ADAMTS3: variants seen among roughly 807,000 people sequenced by gnomAD.
ADAMTS3 encodes ADAM metallopeptidase with thrombospondin type 1 motif 3.
Under a neutral mutation model 129.0 loss-of-function variants are expected in ADAMTS3, and 73 were observed. The observed-to-expected ratio is 0.57, with a 90% CI of 0.47 to 0.69. The LOEUF is 0.69. Ranked by LOEUF, ADAMTS3 falls within the 30% of genes least tolerant of loss-of-function variation. The pLI is 0.00. For synonymous variants in ADAMTS3, 477 were observed against 510.8 expected (o/e 0.93, Z 0.89); for missense variants, 1,457 against 1,514.5 (o/e 0.96, Z 0.63).
intron 4 of ADAMTS3, among the ~76,000 whole-genome samples, chr4:72,348,671 G>A (rs1222921600): frequency 2.0e-5 from 3 of 151,962 alleles, no homozygotes; most frequent in African/African-American, 7.2e-5. Flanking sequence ...AAAGCAGAGA[G>A]CTTTATCTGG....
intron 4 of ADAMTS3, among the ~76,000 whole-genome samples, chr4:72,397,589 A>G (rs1721758971): frequency 6.6e-6 from 1 of 151,816 alleles, no homozygotes; most frequent in African/African-American, 2.4e-5. Flanking sequence ...ACACACACAC[A>G]CAAAGAAAGA....
chr4:72,526,467 T>C (rs1481759001), intron 3 of ADAMTS3, among the ~76,000 whole-genome samples: 1 of 151,500 alleles, frequency 6.6e-6, no homozygotes, highest in Non-Finnish European at 1.5e-5. Flanking sequence ...TGATTGCAAA[T>C]CCTTAAATTT....
rs78525019 is a variant in ADAMTS3, at chr4:72,533,847, G to C, written c.504+14631C>G. 5.8e-3 allele frequency among the ~76,000 whole-genome samples: 882 copies of C among 152,058 alleles called. 2 individuals are homozygous for C. The highest frequency in any genetic ancestry group is 0.02 in the African/African-American group (847 of 41,488). On this transcript the variant is annotated intron_variant, in intron 3 of 21. Transcript: ENST00000286657. ...ATTAAAAAATACATTTTAAAAAGTA[G>C]AAAAAGTGCTATTATAAAGTAACTA...
At chr4:72,342,796 G>T (rs1424019727) in intron 4 of ADAMTS3, among the ~76,000 whole-genome samples, 7 of 152,106 alleles carry the variant, frequency 4.6e-5, no homozygotes, top group Admixed American at 4.6e-4. Context: ...TGACTCAGCT[G>T]GTACTGTGGC....
intron 5 of ADAMTS3, among the ~76,000 whole-genome samples, chr4:72,324,028 T>C (rs990218366): frequency 6.6e-6 from 1 of 152,046 alleles, no homozygotes; most frequent in Admixed American, 6.6e-5. Context: ...AGGAGAAAGG[T>C]GGAGTTACCA....
At chr4:72,399,990 ATACGTGTGTATATATG>A (rs1721854033) in intron 4 of ADAMTS3, among the ~76,000 whole-genome samples, 1 of 2,080 alleles carries the variant, frequency 4.8e-4, no homozygotes, top group Non-Finnish European at 1.2e-3. Context: ...CGGTGTGTAT[ATACGTGTGTATATATG>A]CACACACGGT....
chr4:72,407,352 A>T (rs979416614), intron 4 of ADAMTS3, among the ~76,000 whole-genome samples: 13 of 152,192 alleles, frequency 8.5e-5, no homozygotes, highest in Non-Finnish European at 1.5e-4. Context: ...ATCATAGAAC[A>T]GGACATAAAG....
intron 3 of ADAMTS3, among the ~76,000 whole-genome samples, chr4:72,533,673 A>ATATGTATATCTACATATATATG (rs1164175826): frequency 6.6e-6 from 1 of 151,368 alleles, no homozygotes; most frequent in African/African-American, 2.4e-5. Context: ...GTATATGCAC[A>ATATGTATATCTACATATATATG]TATATGCACA....
intron 3 of ADAMTS3, among the ~76,000 whole-genome samples, chr4:72,419,890 A>C (rs922710364): frequency 7.9e-5 from 12 of 152,156 alleles, no homozygotes; most frequent in African/African-American, 2.9e-4. Flanking sequence ...AAATAAATAA[A>C]TAAAAAAGAA....
chr4:72,477,794 G>C (rs547350338), intron 3 of ADAMTS3, among the ~76,000 whole-genome samples: 324 of 151,984 alleles, frequency 2.1e-3, no homozygotes, highest in African/African-American at 7.4e-3. Flanking sequence ...TAGACCACTA[G>C]CAAGACTAAT....
chr4:72,315,842 A>G lies in ADAMTS3; in HGVS notation c.1599+16T>C. On this transcript the variant is annotated intron_variant, in intron 11 of 21. Coordinates refer to ENST00000286657, the MANE Select transcript of ADAMTS3 (RefSeq NM_014243.3). ...AACATATCTTACATATTTATTGTGT[A>G]AATAGATATACTCACTTTTCCAGCA... The G allele has an allele frequency of 6.8e-7, 1 of 1,471,382 alleles. No homozygotes were observed. 91.1% of individuals were successfully genotyped at this position (1,471,382 alleles called of 1,614,324 possible). A position where few individuals can be genotyped will look rare whatever the true frequency, so the allele number is the denominator to read the frequency against.
intron 19 of ADAMTS3, among the ~76,000 whole-genome samples, chr4:72,291,599 C>A (rs1578555498): frequency 6.6e-6 from 1 of 151,818 alleles, no homozygotes; most frequent in Non-Finnish European, 1.5e-5. Flanking sequence ...TTTATGGCTG[C>A]ATAGTATTCC....
At chr4:72,358,577 T>C in intron 4 of ADAMTS3, among the ~76,000 whole-genome samples, 1 of 152,012 alleles carries the variant, frequency 6.6e-6, no homozygotes, top group South Asian at 2.1e-4. Flanking sequence ...TAGAATCAAA[T>C]ATTATAAACA....
intron 4 of ADAMTS3, among the ~76,000 whole-genome samples, chr4:72,340,773 A>C (rs2109833091): frequency 6.6e-6 from 1 of 152,296 alleles, no homozygotes; most frequent in East Asian, 1.9e-4. Context: ...TTTGAGAAAA[A>C]AAGTTTTAGT....
At chr4:72,472,265 A>C (rs1396828463) in intron 3 of ADAMTS3, among the ~76,000 whole-genome samples, 1 of 152,140 alleles carries the variant, frequency 6.6e-6, no homozygotes, top group Non-Finnish European at 1.5e-5. Flanking sequence ...AAAGAAACTT[A>C]TAAAAACCAA....
At position 72,537,490 on chromosome 4, in the gene ADAMTS3, T is replaced by G. The variant is rs189791963; in HGVS notation, c.504+10988A>C. Among the ~76,000 whole-genome samples, 52 of 152,198 alleles carry G rather than the reference T, an allele frequency of 3.4e-4. No individual in the cohort carries two copies. The East Asian group carries it at 7.9e-3, about 23-fold the overall frequency. On this transcript the variant is annotated intron_variant, in intron 3 of 21. Transcript: ENST00000286657. ...AAGCAACTACATATACAAGAAAAAT[T>G]TGAAAGTCATTGTGCATGCCCAGGG...
chr4:72,353,947 C>T (rs1021388892), intron 4 of ADAMTS3, among the ~76,000 whole-genome samples: 1 of 152,002 alleles, frequency 6.6e-6, no homozygotes, highest in East Asian at 2.0e-4. Context: ...CTACATCCCT[C>T]AGGAACTGCT....
intron 14 of ADAMTS3, among the ~76,000 whole-genome samples, chr4:72,310,184 A>T (rs1038977401): frequency 6.6e-6 from 1 of 152,140 alleles, no homozygotes; most frequent in African/African-American, 2.4e-5. Flanking sequence ...GGAAGAATTT[A>T]CATTTTCCCT....
At chr4:72,355,725 A>G (rs972149984) in intron 4 of ADAMTS3, among the ~76,000 whole-genome samples, 5 of 151,952 alleles carry the variant, frequency 3.3e-5, no homozygotes, top group African/African-American at 9.7e-5. Context: ...TTGGTCTTAC[A>G]CTTTTCCCAG....
Sources: allele counts gnomAD v4.1 joint callset (sites outside exome capture counted in the v4.1 genomes callset), GRCh38; gene constraint gnomAD v4.1.1; transcripts MANE v1.5; gene names NCBI Gene and HGNC (gene_info 2026-07-23, HGNC 2026-07-21).